Variants in PTPN23 observed in about 807,000 individuals in gnomAD.
The protein encoded by PTPN23 is protein tyrosine phosphatase non-receptor type 23.
In PTPN23, 72 loss-of-function variants were observed where a neutral mutation model predicts 156.3. The ratio of observed to expected loss-of-function variants is 0.46; its 90% CI spans 0.38 to 0.56. The LOEUF is 0.56. Among genes scored for constraint, PTPN23 ranks in the 20% least tolerant of loss-of-function variants. The probability of loss-of-function intolerance (pLI) is 0.00; values close to 1 mark genes in which losing one functional copy is unlikely to be tolerated. For synonymous variants in PTPN23, 957 were observed against 899.6 expected, an observed-to-expected ratio of 1.06 and a Z score of -1.14; for missense variants, 1,974 against 2,171.5, an observed-to-expected ratio of 0.91 and a Z score of 1.81.
intron 2 of PTPN23, among the ~76,000 whole-genome samples, chr3:47,403,519 A>G (rs541722290): frequency 6.6e-6 from 1 of 152,062 alleles, no homozygotes; most frequent in South Asian, 2.1e-4. Context: ...TTTGGTGGGT[A>G]TCCAGTTTTA....
At position 47,405,262 on chromosome 3, in the gene PTPN23, G is replaced by A; in HGVS notation, c.364+181G>A. 1.6e-6 allele frequency: 1 copy of A among 628,940 alleles called. No individual in the cohort carries two copies. The highest frequency in any genetic ancestry group is 2.8e-6 in the Non-Finnish European group (1 of 355,046). 39.0% of individuals were successfully genotyped at this position (628,940 alleles called of 1,614,324 possible). On this transcript the variant is annotated intron_variant, in intron 4 of 24. Coordinates refer to ENST00000265562, the MANE Select transcript of PTPN23 (RefSeq NM_015466.4). This position sits in a 1 kb window ranked among gnomAD's most constrained non-coding sequence, Gnocchi z 4.7. ...CACTGTTTTCTGGGCTGGGCCCGTG[G>A]GGAGCCTCTGCTGGGGCGAGGCTCT...
chr3:47,383,228 G>A (rs1372146713), intron 1 of PTPN23, among the ~76,000 whole-genome samples: 1 of 152,066 alleles, frequency 6.6e-6, no homozygotes, highest in Non-Finnish European at 1.5e-5. Flanking sequence ...CCTCTTCTGT[G>A]CCGTTGGTCA....
In PTPN23 at chr3:47,404,788, C is replaced by T. The variant is rs200788331; in HGVS notation, c.287+9C>T. On this transcript the variant is annotated intron_variant, in intron 3 of 24. Transcript: ENST00000265562. ...GCTGTCCCTGTCACCTGGTGAGAGCCGCAGGCAGGGCTGGAGGATCCCACG... is the reference window on the plus strand; with the variant it reads ...GCTGTCCCTGTCACCTGGTGAGAGCTGCAGGCAGGGCTGGAGGATCCCACG... The T allele has an allele frequency of 2.1e-4, 340 of 1,612,916 alleles. 3 individuals carry two copies. The highest frequency in any genetic ancestry group is 6.9e-4 in the East Asian group (31 of 44,844).
rs763117373 is a variant in PTPN23 at position 47,407,418 on chromosome 3, C to T, written c.923+51C>T. 1.9e-6 allele frequency: 3 copies of T among 1,609,942 alleles called. No individual in the cohort carries two copies. The highest frequency in any genetic ancestry group is 2.2e-5 in the East Asian group (1 of 44,844). On this transcript the variant is annotated intron_variant, in intron 11 of 24. Transcript: ENST00000265562. The surrounding 1 kb of genome is among the most constrained non-coding windows in gnomAD (Gnocchi z 4.0). ...TCCCTCTTTTTGTGAAGGGTCTTGT[C>T]CCTCTGCTGGCATCTACATGGGAAG...
At chr3:47,409,346 T>TC in intron 17 of PTPN23, 29 bp downstream of exon 17, 1 of 1,613,306 alleles carries the variant, frequency 6.2e-7, no homozygotes, top group Non-Finnish European at 8.5e-7. Context: ...GTAGAGGGGC[T>TC]CTGGCTCCGG....
intron 1 of PTPN23, among the ~76,000 whole-genome samples, chr3:47,387,285 G>A (rs1193319714): frequency 6.6e-6 from 1 of 151,980 alleles, no homozygotes; most frequent in Admixed American, 6.6e-5. Context: ...TAACAATACT[G>A]GTCAGGCACG....
chr3:47,410,904 TTCCCCAGCCCTGGGCCCCCTCAGCC>T lies in PTPN23; in HGVS notation c.3113_3137del (p.Ser1038IlefsTer114), dbSNP rs1705267568. On this transcript the variant is annotated frameshift_variant, in exon 20 of 25. Transcript: ENST00000265562. LOFTEE classifies it high-confidence loss of function. ...GCCAGCCCACTCAGGGGCTCTGCCT[TTCCCCAGCCCTGGGCCCCCTCAGCC>T]TCCCCATCCCCCACTGGCATATGGT... The T allele has an allele frequency of 6.2e-7, 1 of 1,610,810 alleles. No individual in the cohort carries two copies. The highest frequency in any genetic ancestry group is 1.3e-5 in the African/African-American group (1 of 74,416).
Position 47,407,235 on chromosome 3 carries a change from G to A in PTPN23, c.864+49G>A, listed in dbSNP as rs758461665. 3.3e-5 allele frequency: 54 copies of A among 1,613,562 alleles called. No individual in the cohort carries two copies. The highest frequency in any genetic ancestry group is 1.0e-4 in the Admixed American group (6 of 59,974). On this transcript the variant is annotated intron_variant, in intron 10 of 24. Transcript: ENST00000265562. The surrounding 1 kb of genome is among the most constrained non-coding windows in gnomAD (Gnocchi z 4.0). ...GCCCTGAGGGTATAGGAGCAAGCCCGGTAGGACTGAGGGGGTGTCCTGGTG... is the reference window on the plus strand; with the variant it reads ...GCCCTGAGGGTATAGGAGCAAGCCCAGTAGGACTGAGGGGGTGTCCTGGTG...
In PTPN23 at chr3:47,410,676, CAGCCCCATCCTT is replaced by C. The variant is rs772837355; in HGVS notation, c.2879_2890del (p.Gln960_Ser964delinsPro). ...TGGGCCCCAGCCCCAGCCCCATCCTCAGCCCCATCCTTCACAAGCGTTTGGGCCTCAGCCCCC... is the reference window on the plus strand; with the variant it reads ...TGGGCCCCAGCCCCAGCCCCATCCTCCACAAGCGTTTGGGCCTCAGCCCCC... On this transcript the variant is annotated inframe_deletion, in exon 20 of 25. Coordinates refer to ENST00000265562, the MANE Select transcript of PTPN23 (RefSeq NM_015466.4). 1.2e-6 allele frequency: 2 copies of C among 1,608,032 alleles called. No individual in the cohort carries two copies. Among genetic ancestry groups the C allele is most frequent in the East Asian group, 4.5e-5 (2 of 44,806 alleles).
Position 47,406,423 on chromosome 3 carries a change from G to A in PTPN23, c.627+18G>A. 3 of 1,613,832 alleles carry A rather than the reference G, an allele frequency of 1.9e-6. No homozygotes were observed. The highest frequency in any genetic ancestry group is 1.1e-5 in the South Asian group (1 of 91,076). The stretch of plus-strand genomic sequence containing the variant: ...GTGCACAGGTAGGGACGGGGCTGAG[G>A]GGAGGCCTTCACTTTACTGCTGACT... On this transcript the variant is annotated intron_variant, in intron 7 of 24. Coordinates refer to ENST00000265562, the MANE Select transcript of PTPN23 (RefSeq NM_015466.4). This position sits in a 1 kb window ranked among gnomAD's most constrained non-coding sequence, Gnocchi z 5.8.
At chr3:47,403,101 A>G (rs893656269) in intron 2 of PTPN23, among the ~76,000 whole-genome samples, 1 of 149,172 alleles carries the variant, frequency 6.7e-6, no homozygotes, top group Admixed American at 6.7e-5. Flanking sequence ...CCCAGGCTGG[A>G]GTGCAGTGGC....
intron 2 of PTPN23, among the ~76,000 whole-genome samples, chr3:47,400,503 G>C (rs995862200): frequency 1.3e-5 from 2 of 152,244 alleles, no homozygotes; most frequent in Non-Finnish European, 2.9e-5. Flanking sequence ...TGATCTCTTG[G>C]ATCTGGAGGG....
At chr3:47,404,431 A>G (rs962874862) in intron 2 of PTPN23, among the ~76,000 whole-genome samples, 1 of 151,322 alleles carries the variant, frequency 6.6e-6, no homozygotes, top group East Asian at 1.9e-4. Context: ...TTTTTAAAAA[A>G]GGAAAAACTA....
At chr3:47,386,459 C>T (rs1704654592) in intron 1 of PTPN23, among the ~76,000 whole-genome samples, 1 of 152,202 alleles carries the variant, frequency 6.6e-6, no homozygotes, top group South Asian at 2.1e-4. Flanking sequence ...AGCTACCGTG[C>T]CCAGCCCACA....
intron 2 of PTPN23, among the ~76,000 whole-genome samples, chr3:47,398,609 A>T (rs1366727470): frequency 6.7e-6 from 1 of 148,458 alleles, no homozygotes; most frequent in Non-Finnish European, 1.5e-5. Context: ...TCTGTCGTCC[A>T]GGCAGGAGTG....
intron 1 of PTPN23, among the ~76,000 whole-genome samples, chr3:47,388,119 T>C (rs1310007208): frequency 1.3e-5 from 2 of 152,232 alleles, no homozygotes; most frequent in Non-Finnish European, 2.9e-5. Context: ...ACATAACTAA[T>C]GTAGTCCTCA....
At chr3:47,381,497 C>T (rs1223021103) in intron 1 of PTPN23, among the ~76,000 whole-genome samples, 2 of 152,188 alleles carry the variant, frequency 1.3e-5, no homozygotes, top group Non-Finnish European at 1.5e-5. Flanking sequence ...AGTTCTGCCC[C>T]GCCCCTCCTC....
At position 47,409,756 on chromosome 3, in the gene PTPN23, G is replaced by C. The variant is rs769861401; in HGVS notation, c.2051G>C (p.Ser684Thr). 1.9e-6 allele frequency: 3 copies of C among 1,607,526 alleles called. No individual in the cohort carries two copies. In the East Asian group the frequency reaches 6.7e-5, roughly 36 times the overall value. Residue 684 changes from serine (S) to threonine (T), a missense_variant, in exon 19 of 25, where the codon AGC becomes ACC. By Grantham distance (58) the Ser-to-Thr change is moderately conservative (BLOSUM62 1). This residue lies in a region of PTPN23 where 726 missense variants were observed against 929.5 expected (regional missense o/e 0.78). Transcript: ENST00000265562. ...EGRDFYADLE[S>T]KVAALLERTQ... ...AGGGACTTCTACGCAGATCTGGAGA[G>C]CAAGGTGGCTGCTCTGCTGGAGCGC... is the stretch of plus-strand genomic sequence containing the variant.
In PTPN23 at chr3:47,413,368, T is replaced by C; in HGVS notation, c.*183T>C. On this transcript the variant is annotated 3_prime_UTR_variant, in exon 25 of 25. Transcript: ENST00000265562. ...GTACTGCAGGCTCTGGGTCAGGTTC[T>C]GCTCCTTTATGGGACCCGACATTTT... The C allele has an allele frequency of 1.3e-6, 1 of 774,644 alleles. No homozygotes were observed. The highest frequency in any genetic ancestry group is 2.0e-6 in the Non-Finnish European group (1 of 497,786). 48.0% of individuals were successfully genotyped at this position (774,644 alleles called of 1,614,324 possible).
Sources: allele counts gnomAD v4.1 joint callset (sites outside exome capture counted in the v4.1 genomes callset), GRCh38; gene constraint gnomAD v4.1.1; regional missense constraint gnomAD v4.1.1; non-coding constraint Gnocchi (gnomAD v3.1); transcripts MANE v1.5; gene names NCBI Gene and HGNC (gene_info 2026-07-23, HGNC 2026-07-21).